TCHH: variants seen among roughly 807,000 people sequenced by gnomAD.
TCHH encodes trichohyalin.
TCHH carries 6 observed loss-of-function variants against 6.3 expected under a neutral mutation model. That is an observed-to-expected ratio of 0.95 (90% CI 0.52 to 1.88). The LOEUF (loss-of-function observed/expected upper bound fraction) is 1.88, where lower values mean the gene tolerates loss of function less well. Ranked by LOEUF, TCHH falls within the 40% of genes most tolerant of loss-of-function variation. TCHH has a pLI of 0.01. For synonymous variants in TCHH, 1,087 were observed against 963.6 expected (o/e 1.13, Z -2.37); for missense variants, 2,920 against 2,449.1 (o/e 1.19, Z -4.06).
chr1:152,107,218 A>G lies in TCHH; in HGVS notation c.*167T>C. The G allele has an allele frequency of 1.5e-6, 1 of 678,954 alleles. No individual in the cohort carries two copies. The highest frequency in any genetic ancestry group is 2.4e-6 in the Non-Finnish European group (1 of 423,104). The allele number at this position is 678,954 out of a possible 1,614,324, so 42.1% of individuals were successfully genotyped here. A position where few individuals can be genotyped will look rare whatever the true frequency, so the allele number is the denominator to read the frequency against. The stretch of plus-strand genomic sequence containing the variant: ...TTGAGGAAGAATAAAAAGCAGAAGT[A>G]CAAAGTGCGTAAAATGAGCGTAGTT... On this transcript the variant is annotated 3_prime_UTR_variant, in exon 3 of 3. Transcript: ENST00000614923.
chr1:152,111,529 C>A lies in TCHH; in HGVS notation c.1688G>T (p.Arg563Leu). ...CTGCTCGCGCTTCAGCCGCTGCTCTCGCCTCTCCTGCTCGAGCCTCTTCTC... is the reference window on the plus strand; with the variant it reads ...CTGCTCGCGCTTCAGCCGCTGCTCTAGCCTCTCCTGCTCGAGCCTCTTCTC... ...EEEKRLEQER[R>L]EQRLKREQEE... is the part of the protein sequence containing the mutation. The change falls in exon 3 of 3, where the codon CGA (arginine) becomes CTA (leucine). Residue 563 changes from arginine (R) to leucine (L), a missense_variant. Coordinates refer to ENST00000614923, the MANE Select transcript of TCHH (RefSeq NM_007113.4). 1.3e-6 allele frequency: 2 copies of A among 1,537,246 alleles called. No homozygotes were observed. Among genetic ancestry groups the A allele is most frequent in the Non-Finnish European group, 1.8e-6 (2 of 1,131,648 alleles).
chr1:152,114,062 T>C lies in TCHH; in HGVS notation c.19A>G (p.Ser7Gly). MSPLLR[S>G]ICDITEIFNQ... ...AAAATTTCAGTGATGTCACAGATGC[T>C]TCTCAGAAGTGGAGACATTTTTTTT... The change falls in exon 2 of 3, where the codon AGC becomes GGC. Residue 7 changes from serine (S) to glycine (G), a missense_variant. Transcript: ENST00000614923. 6.2e-7 allele frequency: 1 copy of C among 1,610,292 alleles called. No individual in the cohort carries two copies.
Position 152,109,250 on chromosome 1 carries a change from C to G in TCHH, c.3967G>C (p.Glu1323Gln). The G allele has an allele frequency of 6.2e-7, 1 of 1,614,248 alleles. No individual in the cohort carries two copies. Among genetic ancestry groups the G allele is most frequent in the Non-Finnish European group, 8.5e-7 (1 of 1,180,020 alleles). Residue 1323 changes from glutamate to glutamine, a missense_variant, in exon 3 of 3, where the codon GAG becomes CAG. Transcript: ENST00000614923. ...CGGCGTCTCTTCTCTTCTCTTTCCT[C>G]TCTCAGCAACTGCTTTTCCTCTTGG... ...KSQEEKQLLR[E>Q]EREEKRRRQE...
Position 152,107,924 on chromosome 1 carries a change from G to A in TCHH, c.5293C>T (p.Arg1765Cys). ...LRPEREEQQL[R>C]RQERDRKFRE... ...AATTTTCTGTCGCGCTCCTGGCGGC[G>A]CAGCTGCTGTTCTTCCCTTTCCGGA... The change falls in exon 3 of 3, where the codon CGC becomes TGC. Residue 1765 changes from arginine (R) to cysteine (C), a missense_variant. By Grantham distance (180) the Arg-to-Cys change is radical. Transcript: ENST00000614923. 6.2e-7 allele frequency: 1 copy of A among 1,614,046 alleles called. No homozygotes were observed. Among genetic ancestry groups the A allele is most frequent in the Non-Finnish European group, 8.5e-7 (1 of 1,180,002 alleles).
chr1:152,110,553 C>T lies in TCHH; in HGVS notation c.2664G>A (p.Thr888=), dbSNP rs1234302576. ...LEEERKRRRH[T]LYAKPALQEQ... ...CTTGTAGGGCTGGCTTGGCGTACAG[C>T]GTGTGGCGGCGTCTCTTCCTTTCTT... The change falls in exon 3 of 3, where the codon ACG becomes ACA. Residue 888 remains threonine (T), a synonymous_variant. Coordinates refer to ENST00000614923, the MANE Select transcript of TCHH (RefSeq NM_007113.4). 1.2e-6 allele frequency: 2 copies of T among 1,614,182 alleles called. No homozygotes were observed. Among genetic ancestry groups the T allele is most frequent in the Admixed American group, 1.7e-5 (1 of 60,016 alleles).
In TCHH at chr1:152,108,395, C is replaced by T; in HGVS notation, c.4822G>A (p.Glu1608Lys). 6.2e-7 allele frequency: 1 copy of T among 1,613,658 alleles called. No homozygotes were observed. Among genetic ancestry groups the T allele is most frequent in the Non-Finnish European group, 8.5e-7 (1 of 1,179,888 alleles). The change falls in exon 3 of 3, where the codon GAG becomes AAG. Residue 1608 changes from glutamate (E) to lysine (K), a missense_variant. Physicochemically the swap from Glu to Lys is moderately conservative, Grantham distance 56. Transcript: ENST00000614923. ...MEDEQQLRRQ[E>K]GQQQLRQERD... The stretch of plus-strand genomic sequence containing the variant: ...TCCTGGCGCAGCTGTTGTTGGCCCT[C>T]CTGGCGGCGCAGCTGCTGTTCGTCC...
Position 152,110,549 on chromosome 1 carries a change from A to C in TCHH, c.2668T>G (p.Tyr890Asp). The change falls in exon 3 of 3, where the codon TAC (tyrosine) becomes GAC (aspartate). Residue 890 changes from tyrosine to aspartate, a missense_variant. Coordinates refer to ENST00000614923, the MANE Select transcript of TCHH (RefSeq NM_007113.4). ...TGCTCTTGTAGGGCTGGCTTGGCGT[A>C]CAGCGTGTGGCGGCGTCTCTTCCTT... is the stretch of plus-strand genomic sequence containing the variant. Reference protein sequence around the residue: ...EERKRRRHTLYAKPALQEQLR... With the variant: ...EERKRRRHTLDAKPALQEQLR... 6.2e-7 allele frequency: 1 copy of C among 1,614,010 alleles called. No homozygotes were observed. Among genetic ancestry groups the C allele is most frequent in the East Asian group, 2.2e-5 (1 of 44,858 alleles).
Position 152,108,505 on chromosome 1 carries a change from T to TGCTGTTCCTCCCTCTCCTGGCGCA in TCHH, c.4688_4711dup (p.Leu1563_Gln1570dup), listed in dbSNP as rs745837350. 6.2e-7 allele frequency: 1 copy of TGCTGTTCCTCCCTCTCCTGGCGCA among 1,612,116 alleles called. No homozygotes were observed. Among genetic ancestry groups the TGCTGTTCCTCCCTCTCCTGGCGCA allele is most frequent in the African/African-American group, 1.3e-5 (1 of 74,564 alleles). On this transcript the variant is annotated inframe_insertion, in exon 3 of 3. Transcript: ENST00000614923. The stretch of plus-strand genomic sequence containing the variant: ...TCTGTCACGCTCTTGGCGGCTCAGC[T>TGCTGTTCCTCCCTCTCCTGGCGCA]GCTGTTCCTCCCTCTCCTGGCGCAG...
Position 152,109,066 on chromosome 1 carries a change from C to T in TCHH, c.4151G>A (p.Arg1384His), listed in dbSNP as rs374209946. The T allele has an allele frequency of 3.1e-6, 5 of 1,612,684 alleles. No homozygotes were observed. The highest frequency in any genetic ancestry group is 4.2e-6 in the Non-Finnish European group (5 of 1,179,690). ...GAATTTTCTCTCCCGTTCCTGGCGG[C>T]GCAGCCGCTGTTCCTCCTCGAGGAA... ...RKFLEEEQRL[R>H]RQERERKFLK... Residue 1384 changes from arginine to histidine, a missense_variant, in exon 3 of 3, where the codon CGC (arginine) becomes CAC (histidine). By Grantham distance (29) the Arg-to-His change is conservative (BLOSUM62 0). Transcript: ENST00000614923.
rs1658455172 is a variant in TCHH at position 152,114,084 on chromosome 1, T to G, written c.-4A>C. 6.3e-7 allele frequency: 1 copy of G among 1,596,640 alleles called. No homozygotes were observed. Among genetic ancestry groups the G allele is most frequent in the Non-Finnish European group, 8.5e-7 (1 of 1,175,654 alleles). ...TGCTTCTCAGAAGTGGAGACATTTTTTTTTCTTTCCTTCAAGTTCAAGTAA... is the reference window on the plus strand; with the variant it reads ...TGCTTCTCAGAAGTGGAGACATTTTGTTTTCTTTCCTTCAAGTTCAAGTAA... On this transcript the variant is annotated 5_prime_UTR_variant, in exon 2 of 3. Coordinates refer to ENST00000614923, the MANE Select transcript of TCHH (RefSeq NM_007113.4).
rs1275092805 is a variant in TCHH at position 152,109,913 on chromosome 1, T to G, written c.3304A>C (p.Arg1102=). The change falls in exon 3 of 3, where the codon AGG becomes CGG. Residue 1102 remains arginine, a synonymous_variant. Transcript: ENST00000614923. The part of the protein sequence containing the change: ...QLLREEPEKR[R]RQERERQCRE... Reference sequence around the variant, plus strand: ...CATTGCCTCTCCCGCTCCTGGCGCCTTCTCTTCTCCGGTTCCTCTCTCAGC... The same window carrying G: ...CATTGCCTCTCCCGCTCCTGGCGCCGTCTCTTCTCCGGTTCCTCTCTCAGC... 1 of 1,587,640 alleles carries G rather than the reference T, an allele frequency of 6.3e-7. No individual in the cohort carries two copies. Among genetic ancestry groups the G allele is most frequent in the African/African-American group, 1.4e-5 (1 of 71,420 alleles).
chr1:152,108,668 ATT>A lies in TCHH; in HGVS notation c.4547_4548del (p.Lys1516IlefsTer38). The A allele has an allele frequency of 6.3e-7, 1 of 1,593,580 alleles. No homozygotes were observed. The highest frequency in any genetic ancestry group is 1.1e-5 in the South Asian group (1 of 90,376). Reference sequence around the variant, plus strand: ...TGCAGCTGCTGTTCCTCCTCGAGGAATTTTCTCTCTGGTTCCTGACTGCGCAG... The same window carrying A: ...TGCAGCTGCTGTTCCTCCTCGAGGAATTCTCTCTGGTTCCTGACTGCGCAG... ...QELRSQEPERKFLEEEQQLHR... is the reference protein window; with the variant it reads ...QELRSQEPERXFLEEEQQLHR... On this transcript the variant is annotated frameshift_variant, in exon 3 of 3. Transcript: ENST00000614923. LOFTEE classifies it low-confidence loss of function (END_TRUNC).
intron 1 of TCHH, 65 bp from the exon 2 acceptor site, chr1:152,114,176 C>CA: frequency 1.6e-6 from 2 of 1,212,382 alleles, no homozygotes; most frequent in Non-Finnish European, 2.2e-6. Context: ...GCTTCATTCA[C>CA]ACTATTTCAG....
chr1:152,112,577 C>T lies in TCHH; in HGVS notation c.640G>A (p.Glu214Lys), dbSNP rs1658415790. The T allele has an allele frequency of 1.2e-6, 2 of 1,613,484 alleles. No homozygotes were observed. The highest frequency in any genetic ancestry group is 2.7e-5 in the African/African-American group (2 of 74,856). ...FPDEEQLRRR[E>K]LLELRRKGRE... is the part of the protein sequence containing the mutation. ...CCCTTCCTCCTCAGCTCCAGCAGCT[C>T]CCGCCTTCGCAGTTGCTCTTCGTCT... Residue 214 changes from glutamate to lysine, a missense_variant, in exon 3 of 3, where the codon GAG becomes AAG. Glu to Lys is a moderately conservative substitution (Grantham distance 56). Transcript: ENST00000614923.
rs1333972402 is a variant in TCHH at position 152,109,536 on chromosome 1, C to T, written c.3681G>A (p.Trp1227Ter). 3 of 1,614,262 alleles carry T rather than the reference C, an allele frequency of 1.9e-6. No homozygotes were observed. The highest frequency in any genetic ancestry group is 3.3e-5 in the Admixed American group (2 of 60,036). Reference sequence around the variant, plus strand: ...GAACTGCATTTTCTTTTTCTGGTTCCCACTGCCATTTCAGATCACTGCGCT... The same window carrying T: ...GAACTGCATTTTCTTTTTCTGGTTCTCACTGCCATTTCAGATCACTGCGCT... ...EDQRSDLKWQWEPEKENAVRD... is the reference protein window; with the variant it reads ...EDQRSDLKWQ Residue 1227 changes from tryptophan to a stop codon, truncating the protein, a stop_gained, in exon 3 of 3, where the codon TGG becomes TGA. Transcript: ENST00000614923. LOFTEE classifies it low-confidence loss of function (END_TRUNC).
chr1:152,109,412 G>T lies in TCHH; in HGVS notation c.3805C>A (p.His1269Asn). ...RDRQSQQDLQ[H>N]LLGEQQERDR... ...CGCTCTTGCTGTTCACCCAGCAGGT[G>T]CTGCAGATCTTGCTGGGATTGTCTG... The change falls in exon 3 of 3, where the codon CAC becomes AAC. Residue 1269 changes from histidine to asparagine, a missense_variant. Transcript: ENST00000614923. 1 of 1,613,514 alleles carries T rather than the reference G, an allele frequency of 6.2e-7. No homozygotes were observed. Among genetic ancestry groups the T allele is most frequent in the African/African-American group, 1.3e-5 (1 of 75,048 alleles).
intron 1 of TCHH, 36 bp from the exon 2 acceptor site, chr1:152,114,147 CG>C (rs1472490312): frequency 2.7e-6 from 4 of 1,473,878 alleles, no homozygotes; most frequent in Non-Finnish European, 3.6e-6. Context: ...ATCAAAATCC[CG>C]TTTCTGCTTT....
chr1:152,111,527 C>G lies in TCHH; in HGVS notation c.1690G>C (p.Glu564Gln), dbSNP rs201980678. 21 of 1,572,354 alleles carry G rather than the reference C, an allele frequency of 1.3e-5. No individual in the cohort carries two copies. Among genetic ancestry groups the G allele is most frequent in the South Asian group, 4.4e-5 (4 of 90,042 alleles). The change falls in exon 3 of 3, where the codon GAG becomes CAG. Residue 564 changes from glutamate (E) to glutamine (Q), a missense_variant. Transcript: ENST00000614923. ...TCCTGCTCGCGCTTCAGCCGCTGCT[C>G]TCGCCTCTCCTGCTCGAGCCTCTTC... ...EEKRLEQERREQRLKREQEER... is the reference protein window; with the variant it reads ...EEKRLEQERRQQRLKREQEER...
At position 152,109,763 on chromosome 1, in the gene TCHH, G is replaced by C. The variant is rs755703674; in HGVS notation, c.3454C>G (p.Gln1152Glu). Residue 1152 changes from glutamine to glutamate, a missense_variant, in exon 3 of 3, where the codon CAG (glutamine) becomes GAG (glutamate). Physicochemically the swap from Gln to Glu is conservative, Grantham distance 29 (BLOSUM62 2). Coordinates refer to ENST00000614923, the MANE Select transcript of TCHH (RefSeq NM_007113.4). ...EEEEVQQEEE[Q>E]LLREEPEKRR... ...TTCTCCGGTTCCTCTCTCAGCAGCT[G>C]CTCTTCCTCCTGCTGCACCTCCTCT... 8 of 1,581,770 alleles carry C rather than the reference G, an allele frequency of 5.1e-6. No homozygotes were observed. Among genetic ancestry groups the C allele is most frequent in the African/African-American group, 2.7e-5 (2 of 72,820 alleles).
Sources: gnomAD v4.1 joint callset for allele counts on GRCh38, gnomAD v4.1.1 for gene constraint, MANE v1.5 for transcripts, NCBI Gene and HGNC (gene_info 2026-07-23, HGNC 2026-07-21) for gene names.